CCSER1: variants seen among roughly 807,000 people sequenced by gnomAD.
CCSER1 encodes the protein coiled-coil serine rich protein 1.
CCSER1 carries 41 observed loss-of-function variants against 82.0 expected under a neutral mutation model. The ratio of observed to expected loss-of-function variants is 0.50; its 90% CI spans 0.39 to 0.65. The LOEUF (loss-of-function observed/expected upper bound fraction) is 0.65. Among genes scored for constraint, CCSER1 ranks in the 30% least tolerant of loss-of-function variants. The pLI is 0.00. For missense variants in CCSER1, 1,119 were observed against 1,064.2 expected (o/e 1.05, Z -0.72); for synonymous variants, 414 against 383.9 (o/e 1.08, Z -0.92).
At chr4:91,492,013 T>C (rs1476476812) in intron 10 of CCSER1, among the ~76,000 whole-genome samples, 1 of 145,222 alleles carries the variant, frequency 6.9e-6, no homozygotes, top group East Asian at 2.1e-4. Flanking sequence ...TTAAGAAAAA[T>C]AAAGTGGTAT....
At chr4:91,142,385 G>A (rs1251714488) in intron 10 of CCSER1, among the ~76,000 whole-genome samples, 3 of 152,128 alleles carry the variant, frequency 2.0e-5, no homozygotes, top group Admixed American at 6.6e-5. Context: ...ATTACCCAGT[G>A]TTGGGTATGT....
rs544012522 is a variant in CCSER1, at chr4:91,217,876, C to G, written c.2217+131882C>G. Among the ~76,000 whole-genome samples, 391 of 152,362 alleles carry G rather than the reference C, an allele frequency of 2.6e-3. 1 individual carries two copies. Among genetic ancestry groups the G allele is most frequent in the Non-Finnish European group, 4.3e-3 (292 of 68,036 alleles). On this transcript the variant is annotated intron_variant, in intron 10 of 10. Transcript: ENST00000509176. Reference sequence around the variant, plus strand: ...AACTAGATATAAAGACTCTCCACTCCCCACCAGACTCAGGAGCCCAGCTGG... The same window carrying G: ...AACTAGATATAAAGACTCTCCACTCGCCACCAGACTCAGGAGCCCAGCTGG...
chr4:90,256,686 C>T (rs1723346773), intron 1 of CCSER1, among the ~76,000 whole-genome samples: 1 of 152,084 alleles, frequency 6.6e-6, no homozygotes, highest in African/African-American at 2.4e-5. Flanking sequence ...CTTGAGATTG[C>T]TATGGCAGGT....
At chr4:91,051,082 C>T (rs996248167) in intron 9 of CCSER1, among the ~76,000 whole-genome samples, 3 of 152,050 alleles carry the variant, frequency 2.0e-5, no homozygotes, top group Admixed American at 2.0e-4. Flanking sequence ...AATAGGAAAA[C>T]TTCAAGATTT....
At chr4:90,998,157 C>T (rs909527012) in intron 9 of CCSER1, among the ~76,000 whole-genome samples, 7 of 151,950 alleles carry the variant, frequency 4.6e-5, no homozygotes, top group African/African-American at 1.2e-4. Flanking sequence ...CTTGGCTCAC[C>T]GCAACCTCTG....
chr4:90,275,714 A>G (rs1156731226), intron 1 of CCSER1, among the ~76,000 whole-genome samples: 2 of 152,210 alleles, frequency 1.3e-5, no homozygotes, highest in African/African-American at 4.8e-5. Flanking sequence ...TTTTGAATAC[A>G]GTAGATAAAA....
At chr4:91,127,903 A>T (rs1727652332) in intron 10 of CCSER1, among the ~76,000 whole-genome samples, 1 of 152,080 alleles carries the variant, frequency 6.6e-6, no homozygotes, top group Non-Finnish European at 1.5e-5. Context: ...CTGGGGACAA[A>T]TAAGGTCACA....
chr4:90,700,496 A>G (rs559168608), intron 6 of CCSER1, among the ~76,000 whole-genome samples: 77 of 152,312 alleles, frequency 5.1e-4, no homozygotes, highest in Non-Finnish European at 9.3e-4. Flanking sequence ...TCCTTTGGGT[A>G]TATACCCAGT....
intron 9 of CCSER1, among the ~76,000 whole-genome samples, chr4:91,051,802 G>A (rs1299900415): frequency 6.6e-6 from 1 of 152,032 alleles, no homozygotes. Context: ...ATTTTAATTT[G>A]TGCATAATAT....
At chr4:90,853,633 T>A (rs1764125890) in intron 8 of CCSER1, among the ~76,000 whole-genome samples, 1 of 152,170 alleles carries the variant, frequency 6.6e-6, no homozygotes, top group African/African-American at 2.4e-5. Context: ...CAGTATTTTT[T>A]ATTTATTACA....
Position 91,095,266 on chromosome 4 carries a change from C to T in CCSER1, c.2217+9272C>T, listed in dbSNP as rs181167650. 2.6e-3 allele frequency among the ~76,000 whole-genome samples: 389 copies of T among 152,270 alleles called. 2 individuals are homozygous for T. The highest frequency in any genetic ancestry group is 8.8e-3 in the African/African-American group (365 of 41,544). Reference sequence around the variant, plus strand: ...TTTTGCTGTGCGTCACCTTGCTTCTCCTTTAGTTGGAGACACTTATCTTTC... The same window carrying T: ...TTTTGCTGTGCGTCACCTTGCTTCTTCTTTAGTTGGAGACACTTATCTTTC... On this transcript the variant is annotated intron_variant, in intron 10 of 10. Coordinates refer to ENST00000509176, the MANE Select transcript of CCSER1 (RefSeq NM_001145065.2).
intron 6 of CCSER1, among the ~76,000 whole-genome samples, chr4:90,690,741 T>A (rs1735675732): frequency 6.6e-6 from 1 of 151,978 alleles, no homozygotes; most frequent in Non-Finnish European, 1.5e-5. Context: ...CCTCCTTAAT[T>A]TTTTTTATGT....
At chr4:90,403,067 A>T (rs973460991) in intron 4 of CCSER1, among the ~76,000 whole-genome samples, 38 of 152,344 alleles carry the variant, frequency 2.5e-4, no homozygotes, top group South Asian at 4.1e-4. Context: ...TCTTTTGAAA[A>T]TCTATTTCAT....
At chr4:90,138,711 T>A (rs79117203) in intron 1 of CCSER1, among the ~76,000 whole-genome samples, 102 of 152,144 alleles carry the variant, frequency 6.7e-4, no homozygotes, top group East Asian at 5.2e-3. Context: ...TTTTTTTTTT[T>A]AATTATTTTA....
At chr4:91,288,631 A>G (rs1412379200) in intron 10 of CCSER1, among the ~76,000 whole-genome samples, 1 of 152,034 alleles carries the variant, frequency 6.6e-6, no homozygotes, top group African/African-American at 2.4e-5. Flanking sequence ...CAGCTACTGC[A>G]AGAAAGGCAC....
At chr4:90,234,214 C>CTTTTTTTTTTT (rs555966703) in intron 1 of CCSER1, among the ~76,000 whole-genome samples, 1 of 141,458 alleles carries the variant, frequency 7.1e-6, no homozygotes. Context: ...CTCTCTTATT[C>CTTTTTTTTTTT]TTTTTTTTTT....
At chr4:90,519,893 C>G (rs1479816219) in intron 5 of CCSER1, among the ~76,000 whole-genome samples, 1 of 152,018 alleles carries the variant, frequency 6.6e-6, no homozygotes, top group Non-Finnish European at 1.5e-5. Context: ...AACTCTTACA[C>G]TATTCAAAAA....
intron 5 of CCSER1, among the ~76,000 whole-genome samples, chr4:90,625,868 G>A (rs754905191): frequency 1.3e-5 from 2 of 151,974 alleles, no homozygotes; most frequent in Non-Finnish European, 2.9e-5. Context: ...TTTGAAAATG[G>A]CAAAGATATT....
chr4:90,933,053 G>GAAAGAAAGAAAGAAAGA (rs1730384217), intron 9 of CCSER1, among the ~76,000 whole-genome samples: 1 of 101,478 alleles, frequency 9.9e-6, no homozygotes, highest in Admixed American at 9.9e-5. Context: ...AGAGAAGGAA[G>GAAAGAAAGAAAGAAAGA]GAACGAAGGA....
Sources: gnomAD v4.1 joint callset for allele counts (sites outside exome capture counted in the v4.1 genomes callset) on GRCh38, gnomAD v4.1.1 for gene constraint, MANE v1.5 for transcripts, NCBI Gene and HGNC (gene_info 2026-07-23, HGNC 2026-07-21) for gene names.